Variants in ZP4 observed in about 807,000 individuals in gnomAD.
ZP4 encodes zona pellucida glycoprotein 4.
In ZP4, 62 loss-of-function variants were observed where a neutral mutation model predicts 62.3. The ratio of observed to expected loss-of-function variants is 0.99; its 90% CI spans 0.81 to 1.23. ZP4 has a LOEUF of 1.23. Among genes scored for constraint, ZP4 ranks in the 50% most tolerant of loss-of-function variants. The pLI is 0.00. For synonymous variants in ZP4, 289 were observed against 247.3 expected (o/e 1.17, Z -1.58); for missense variants, 774 against 656.0 (o/e 1.18, Z -1.97).
Position 237,888,407 on chromosome 1 carries a change from G to A in ZP4, c.504C>T (p.Gly168=), listed in dbSNP as rs1400961869. 2 of 1,610,758 alleles carry A rather than the reference G, an allele frequency of 1.2e-6. No homozygotes were observed. The highest frequency in any genetic ancestry group is 1.7e-5 in the Admixed American group (1 of 59,826). ...TCACCTCTTCAGAGCTATAACAACA[G>A]CCTAGCCCTTCACAGTCTCCTCGAG... is the stretch of plus-strand genomic sequence containing the variant. ...PISRGDCEGL[G]CCYSSEEVNS... is the part of the protein sequence containing the mutation. Residue 168 remains glycine, a synonymous_variant, in exon 4 of 12, where the codon GGC becomes GGT. Coordinates refer to ENST00000366570, the MANE Select transcript of ZP4 (RefSeq NM_021186.5).
In ZP4 at chr1:237,885,273, A is replaced by G. The variant is rs1665070565; in HGVS notation, c.1203T>C (p.Pro401=). 2 of 1,614,094 alleles carry G rather than the reference A, an allele frequency of 1.2e-6. No homozygotes were observed. Residue 401 remains proline, a synonymous_variant, in exon 9 of 12, where the codon CCT becomes CCC. Transcript: ENST00000366570. ...ATGGAAGATCCAAGGCTTTCTGGACAGGGATCAGCTGGGTCTGATAGTTGT... is the reference window on the plus strand; with the variant it reads ...ATGGAAGATCCAAGGCTTTCTGGACGGGGATCAGCTGGGTCTGATAGTTGT... ...IGDNYQTQLI[P]VQKALDLPFP...
intron 10 of ZP4, among the ~76,000 whole-genome samples, chr1:237,883,501 G>A (rs1353541170): frequency 6.6e-6 from 1 of 151,134 alleles, no homozygotes; most frequent in Non-Finnish European, 1.5e-5. Context: ...GATCACCTAA[G>A]GTCAGGAGTT....
At chr1:237,884,914 C>T in intron 9 of ZP4, 67 bp from the exon 10 acceptor site, 2 of 1,523,886 alleles carry the variant, frequency 1.3e-6, no homozygotes, top group Non-Finnish European at 9.0e-7. Context: ...ACCTGCTTTG[C>T]CTCCCCAGGA....
chr1:237,888,911 G>A (rs1402114255), intron 3 of ZP4, among the ~76,000 whole-genome samples: 1 of 152,188 alleles, frequency 6.6e-6, no homozygotes, highest in East Asian at 1.9e-4. Context: ...TGGGGCCTAT[G>A]ATTCCTCATT....
intron 11 of ZP4, 30 bp downstream of exon 11, chr1:237,882,712 A>G (rs751104493): frequency 6.2e-7 from 1 of 1,607,368 alleles, no homozygotes; most frequent in African/African-American, 1.3e-5. Flanking sequence ...TTAGTTCACT[A>G]GTTTGATCTC....
In ZP4 at chr1:237,885,213, G is replaced by C. The variant is rs1440896361; in HGVS notation, c.1263C>G (p.Thr421=). The C allele has an allele frequency of 1.2e-6, 2 of 1,614,172 alleles. No homozygotes were observed. The highest frequency in any genetic ancestry group is 1.7e-6 in the Non-Finnish European group (2 of 1,180,040). Residue 421 remains threonine, a synonymous_variant, in exon 9 of 12, where the codon ACC becomes ACG. Coordinates refer to ENST00000366570, the MANE Select transcript of ZP4 (RefSeq NM_021186.5). ...PSHHQRFSIF[T]FSFVNPTVEK... ...CCACTGTAGGGTTCACAAAGCTGAA[G>C]GTGAAGATGCTGAAGCGCTGGTGGT...
chr1:237,886,276 C>T (rs1017566399), intron 6 of ZP4, among the ~76,000 whole-genome samples: 2 of 152,148 alleles, frequency 1.3e-5, no homozygotes, highest in African/African-American at 4.8e-5. Flanking sequence ...ATAGAAGAAC[C>T]AGGCTGCAAT....
rs1410714771 is a variant in ZP4 at position 237,885,393 on chromosome 1, C to CTT, written c.1156_1157dup (p.Gly387ArgfsTer14). The CTT allele has an allele frequency of 1.9e-6, 3 of 1,611,006 alleles. No homozygotes were observed. The highest frequency in any genetic ancestry group is 2.5e-6 in the Non-Finnish European group (3 of 1,178,432). Reference sequence around the variant, plus strand: ...AGGTGTATGAAAGAACCACTTACCCCTTTACCAGGATGGGCCACTGTGGCT... The same window carrying CTT: ...AGGTGTATGAAAGAACCACTTACCCCTTTTTACCAGGATGGGCCACTGTGGCT... On this transcript the variant is annotated frameshift_variant, in exon 8 of 12. Coordinates refer to ENST00000366570, the MANE Select transcript of ZP4 (RefSeq NM_021186.5). LOFTEE classifies it high-confidence loss of function.
At chr1:237,885,052 C>T (rs762506331) in intron 9 of ZP4, 113 bp downstream of exon 9, 144 of 1,459,060 alleles carry the variant, frequency 9.9e-5, no homozygotes, top group Admixed American at 3.2e-4. Flanking sequence ...TGAGTCAGTA[C>T]CAATAGCCAG....
Position 237,887,558 on chromosome 1 carries a change from G to A in ZP4, c.557C>T (p.Thr186Ile), listed in dbSNP as rs1356859018. 6.2e-7 allele frequency: 1 copy of A among 1,613,686 alleles called. No individual in the cohort carries two copies. The highest frequency in any genetic ancestry group is 1.3e-5 in the African/African-American group (1 of 75,040). The change falls in exon 5 of 12, where the codon ACC (threonine) becomes ATC (isoleucine). Residue 186 changes from threonine to isoleucine, a missense_variant. Transcript: ENST00000366570. ...VNSCYYGNTV[T>I]LHCTREGHFS... ...ATGGCCCTCTCGGGTACAATGCAAG[G>A]TCACTGAAACAGAGCAGCTGTGCTG...
At chr1:237,886,410 A>G (rs1665102858) in intron 6 of ZP4, among the ~76,000 whole-genome samples, 1 of 151,390 alleles carries the variant, frequency 6.6e-6, no homozygotes, top group South Asian at 2.1e-4. Context: ...CCATGGCTTT[A>G]AGGTGTGTGA....
intron 10 of ZP4, among the ~76,000 whole-genome samples, chr1:237,884,495 C>A (rs919054251): frequency 6.6e-6 from 1 of 152,214 alleles, no homozygotes; most frequent in East Asian, 1.9e-4. Flanking sequence ...TAAAATGAGA[C>A]ATAAGATAGG....
At chr1:237,888,319 C>T in intron 4 of ZP4, 39 bp downstream of exon 4, 1 of 1,497,732 alleles carries the variant, frequency 6.7e-7, no homozygotes, top group Non-Finnish European at 9.0e-7. Flanking sequence ...AATTGCCACA[C>T]TTCCTCAGCT....
At position 237,882,534 on chromosome 1, in the gene ZP4, G is replaced by A. The variant is rs34478438; in HGVS notation, c.1511C>T (p.Ser504Leu). The part of the protein sequence containing the change: ...PPEKLRVPVD[S>L]KVLWVAGLSG... ...AAGGCCTGCCACCCACAGAACTTTC[G>A]AGTCTACAGGAACACCTGGAGGATG... Residue 504 changes from serine to leucine, a missense_variant, in exon 12 of 12, where the codon TCG becomes TTG. Physicochemically the swap from Ser to Leu is moderately radical, Grantham distance 145. Transcript: ENST00000366570. 4,286 of 1,603,072 alleles carry A rather than the reference G, an allele frequency of 2.7e-3. 109 individuals carry two copies. The African/African-American group carries it at 0.051, about 19-fold the overall frequency.
At chr1:237,890,202 A>G in intron 1 of ZP4, 26 bp from the exon 2 acceptor site, 1 of 1,613,226 alleles carries the variant, frequency 6.2e-7, no homozygotes, top group Non-Finnish European at 8.5e-7. Flanking sequence ...AGAGGTGAGA[A>G]AACACAGCGG....
intron 4 of ZP4, 72 bp from the exon 5 acceptor site, chr1:237,887,633 C>G: frequency 6.7e-7 from 1 of 1,486,974 alleles, no homozygotes; most frequent in Non-Finnish European, 9.1e-7. Flanking sequence ...AAAGTCTAAC[C>G]ACTTAGTTAC....
At chr1:237,883,994 ACACACACACACACACACACACAAACACAC>A (rs1558530822) in intron 10 of ZP4, among the ~76,000 whole-genome samples, 147 of 57,044 alleles carry the variant, frequency 2.6e-3, no homozygotes, top group Non-Finnish European at 4.1e-3. Flanking sequence ...ACACACACAC[ACACACACACACACACACACACAAACACAC>A]ACACACACAA....
At position 237,887,544 on chromosome 1, in the gene ZP4, G is replaced by T. The variant is rs749339435; in HGVS notation, c.571C>A (p.Arg191=). 1.9e-6 allele frequency: 3 copies of T among 1,613,784 alleles called. No homozygotes were observed. Among genetic ancestry groups the T allele is most frequent in the Admixed American group, 1.7e-5 (1 of 59,994 alleles). ...ACAGCAATAGAGAAATGGCCCTCTC[G>T]GGTACAATGCAAGGTCACTGAAACA... ...YGNTVTLHCT[R]EGHFSIAVSR... Residue 191 remains arginine, a synonymous_variant, in exon 5 of 12, where the codon CGA becomes AGA. Coordinates refer to ENST00000366570, the MANE Select transcript of ZP4 (RefSeq NM_021186.5).
chr1:237,882,486 G>T lies in ZP4; in HGVS notation c.1559C>A (p.Ala520Asp). Residue 520 changes from alanine (A) to aspartate (D), a missense_variant, in exon 12 of 12, where the codon GCC becomes GAC. Coordinates refer to ENST00000366570, the MANE Select transcript of ZP4 (RefSeq NM_021186.5). The part of the protein sequence containing the change: ...AGLSGTLILG[A>D]LLVSYLAVKK... ...GACAGCCAAGTAGGATACTAACAAG[G>T]CTCCAAGGATTAAGGTCCCAGAAAG... 6.2e-7 allele frequency: 1 copy of T among 1,609,910 alleles called. No individual in the cohort carries two copies. The highest frequency in any genetic ancestry group is 8.5e-7 in the Non-Finnish European group (1 of 1,179,104).
Sources: allele counts gnomAD v4.1 joint callset (sites outside exome capture counted in the v4.1 genomes callset), GRCh38; gene constraint gnomAD v4.1.1; transcripts MANE v1.5; gene names NCBI Gene and HGNC (gene_info 2026-07-23, HGNC 2026-07-21).